Variants in DAAM2 observed in about 807,000 individuals in gnomAD.
DAAM2 encodes the protein disheveled-associated activator of morphogenesis 2.
DAAM2 carries 39 observed loss-of-function variants against 120.7 expected under a neutral mutation model. The ratio of observed to expected loss-of-function variants is 0.32; its 90% confidence interval spans 0.25 to 0.42. The LOEUF is 0.42. Among genes scored for constraint, DAAM2 ranks in the 10% least tolerant of loss-of-function variants. The pLI is 1.00. For synonymous variants in DAAM2, 488 were observed against 524.9 expected (o/e 0.93, Z 0.96); for missense variants, 1,283 against 1,401.7 (o/e 0.92, Z 1.35).
intron 3 of DAAM2, chr6:39,861,288 C>T (rs948901850): frequency 4.0e-6 from 2 of 496,866 alleles, no homozygotes; most frequent in South Asian, 3.7e-5. Context: ...GACAAAGAAG[C>T]AGAGTCTGGA....
chr6:39,823,883 C>A (rs115440525), intron 1 of DAAM2, among the ~76,000 whole-genome samples: 4,122 of 152,266 alleles, frequency 0.027, 70 homozygotes, highest in Non-Finnish European at 0.042. Context: ...CTTCCACCTC[C>A]TTTCCCTCCT....
intron 1 of DAAM2, among the ~76,000 whole-genome samples, chr6:39,802,483 G>C (rs914877861): frequency 2.0e-5 from 3 of 152,150 alleles, no homozygotes; most frequent in Non-Finnish European, 4.4e-5. Context: ...AATCATGTCT[G>C]GCACATAGTA....
rs112007776 is a variant in DAAM2 at position 39,887,810 on chromosome 6, C to T, written c.2060+218C>T. 3,444 of 507,894 alleles carry T rather than the reference C, an allele frequency of 6.8e-3. 19 individuals are homozygous for T. Among genetic ancestry groups the T allele is most frequent in the Non-Finnish European group, 0.01 (2,813 of 278,292 alleles). The allele number at this position is 507,894 out of a possible 1,614,324, so 31.5% of individuals were successfully genotyped here. On this transcript the variant is annotated intron_variant, in intron 16 of 24. Coordinates refer to ENST00000274867, the MANE Select transcript of DAAM2 (RefSeq NM_001201427.2). ...CGAGGCCCTTGCCCAGCCTGGTCAGCGTCTGGCAGCTGAGTTGCTCTAAGC... is the reference window on the plus strand; with the variant it reads ...CGAGGCCCTTGCCCAGCCTGGTCAGTGTCTGGCAGCTGAGTTGCTCTAAGC...
In DAAM2 at chr6:39,814,158, A is replaced by AT. The variant is rs531272345; in HGVS notation, c.-57+21701dup. 1.5e-4 allele frequency among the ~76,000 whole-genome samples: 22 copies of AT among 148,260 alleles called. No individual in the cohort carries two copies. The South Asian group carries it at 4.8e-3, about 32-fold the overall frequency. On this transcript the variant is annotated intron_variant, in intron 1 of 24. Transcript: ENST00000274867. ...TGTTATGAGATTTTTGCAAGGTTTT[A>AT]TTTTTTTTAAGTTTTCTTTTTCTTT...
chr6:39,856,403 A>C lies in DAAM2; in HGVS notation c.101A>C (p.Gln34Pro), dbSNP rs2149283540. ...EINLRDNHPL[Q>P]FMEFSSPIPN... The stretch of plus-strand genomic sequence containing the variant: ...AACCTCCGGGACAACCACCCTCTGC[A>C]GTTCATGGAGTTCTCCAGCCCCATC... Residue 34 changes from glutamine (Q) to proline (P), a missense_variant, in exon 2 of 25, where the codon CAG becomes CCG. This residue lies in a region of DAAM2 where 197 missense variants were observed against 189.3 expected (regional missense o/e 1.04). Transcript: ENST00000274867. The C allele has an allele frequency of 6.5e-7, 1 of 1,548,428 alleles. No homozygotes were observed. The highest frequency in any genetic ancestry group is 8.7e-7 in the Non-Finnish European group (1 of 1,147,252).
At chr6:39,831,304 C>T (rs181767908) in intron 1 of DAAM2, among the ~76,000 whole-genome samples, 320 of 152,022 alleles carry the variant, frequency 2.1e-3, no homozygotes, top group Non-Finnish European at 3.3e-3. Flanking sequence ...GTGCTGGGAG[C>T]GGGGCTGCTA....
chr6:39,856,525 G>T, intron 2 of DAAM2, 55 bp downstream of exon 2: 3 of 1,339,292 alleles, frequency 2.2e-6, no homozygotes, highest in Non-Finnish European at 2.9e-6. Flanking sequence ...TGGATGGAGA[G>T]GCAGAGCTGG....
At chr6:39,805,051 A>G (rs1272562346) in intron 1 of DAAM2, among the ~76,000 whole-genome samples, 2 of 152,218 alleles carry the variant, frequency 1.3e-5, no homozygotes, top group African/African-American at 4.8e-5. Context: ...AAATTCCTCC[A>G]AGGCCCTAAG....
chr6:39,872,610 A>G (rs572773570), intron 9 of DAAM2, among the ~76,000 whole-genome samples: 30 of 152,316 alleles, frequency 2.0e-4, no homozygotes, highest in African/African-American at 7.0e-4. Flanking sequence ...CCCCATCCAA[A>G]TAGAAAGCTA....
intron 6 of DAAM2, 94 bp downstream of exon 6, chr6:39,867,937 G>C: frequency 8.7e-7 from 1 of 1,152,584 alleles, no homozygotes; most frequent in Admixed American, 2.2e-5. Flanking sequence ...AGCAGAAACT[G>C]GGGGAAAAGG....
At chr6:39,892,790 T>A (rs772819312) in intron 19 of DAAM2, among the ~76,000 whole-genome samples, 22 of 152,132 alleles carry the variant, frequency 1.4e-4, no homozygotes, top group Admixed American at 2.0e-4. Context: ...ATTGAGATGC[T>A]TCAGGGATAG....
chr6:39,878,061 G>A lies in DAAM2; in HGVS notation c.1302-142G>A. On this transcript the variant is annotated intron_variant, in intron 11 of 24. Transcript: ENST00000274867. This position sits in a 1 kb window ranked among gnomAD's most constrained non-coding sequence, Gnocchi z 5.0. ...GGGGACCTGGAGAGACACCTGGGAA[G>A]TCTAAATCCTAGCCCCCTTGATGTG... 2 of 786,910 alleles carry A rather than the reference G, an allele frequency of 2.5e-6. No individual in the cohort carries two copies. Among genetic ancestry groups the A allele is most frequent in the Non-Finnish European group, 2.0e-6 (1 of 491,150 alleles). 48.7% of individuals were successfully genotyped at this position (786,910 alleles called of 1,614,324 possible). A position where few individuals can be genotyped will look rare whatever the true frequency, so the allele number is the denominator to read the frequency against.
intron 1 of DAAM2, among the ~76,000 whole-genome samples, chr6:39,838,593 A>G (rs1360779739): frequency 1.3e-5 from 2 of 152,204 alleles, no homozygotes; most frequent in Admixed American, 1.3e-4. Flanking sequence ...AGAGCCCAGA[A>G]GAGTGACCAA....
rs77119763 is a variant in DAAM2 at position 39,872,286 on chromosome 6, A to G, written c.1044+714A>G. ...CAGCTATCTGAGTATCCCTTGATCC[A>G]GTCAAGTTGACACCTAAAACGAACC... On this transcript the variant is annotated intron_variant, in intron 9 of 24. Transcript: ENST00000274867. Among the ~76,000 whole-genome samples, 1,118 of 152,318 alleles carry G rather than the reference A, an allele frequency of 7.3e-3. 10 individuals are homozygous for G. The highest frequency in any genetic ancestry group is 0.026 in the African/African-American group (1,064 of 41,572).
At chr6:39,868,640 A>G in intron 6 of DAAM2, 183 bp from the exon 7 acceptor site, 1 of 588,546 alleles carries the variant, frequency 1.7e-6, no homozygotes, top group Non-Finnish European at 3.1e-6. Flanking sequence ...GGTGAGAGGC[A>G]AGGGAATTTT....
At chr6:39,870,215 T>C (rs965056235) in intron 7 of DAAM2, 125 bp from the exon 8 acceptor site, 5 of 647,456 alleles carry the variant, frequency 7.7e-6, no homozygotes, top group Admixed American at 2.5e-5. Context: ...TGGAAGCAGC[T>C]CCAGGTGAGT....
At chr6:39,844,872 T>G (rs998619476) in intron 1 of DAAM2, among the ~76,000 whole-genome samples, 12 of 150,516 alleles carry the variant, frequency 8.0e-5, no homozygotes, top group African/African-American at 2.7e-4. Flanking sequence ...GACACATATA[T>G]GCATACCATA....
intron 14 of DAAM2, 78 bp from the exon 15 acceptor site, chr6:39,883,884 T>G: frequency 1.1e-6 from 1 of 884,704 alleles, no homozygotes; most frequent in Non-Finnish European, 1.9e-6. Flanking sequence ...GGGAGATAAG[T>G]GGGGTTAGGG....
intron 13 of DAAM2, among the ~76,000 whole-genome samples, 177 bp from the exon 14 acceptor site, chr6:39,879,001 C>T (rs75118766): frequency 7.4e-4 from 112 of 151,692 alleles, no homozygotes; most frequent in African/African-American, 2.2e-3. Context: ...TGTGTGTTTG[C>T]GTGTGTTAGA....
Sources: gnomAD v4.1 joint callset for allele counts (sites outside exome capture counted in the v4.1 genomes callset) on GRCh38, gnomAD v4.1.1 for gene constraint, gnomAD v4.1.1 regional missense constraint, Gnocchi (gnomAD v3.1) non-coding constraint, MANE v1.5 for transcripts, NCBI Gene and HGNC (gene_info 2026-07-23, HGNC 2026-07-21) for gene names.